The following ZNF320 variants were observed in gnomAD, a reference collection of about 807,000 sequenced individuals.
The protein encoded by ZNF320 is zinc finger protein 320, also known as zinc finger gene 320.
Under a neutral mutation model 6.8 loss-of-function variants are expected in ZNF320, and 2 were observed. The ratio of observed to expected loss-of-function variants is 0.29; its 90% CI spans 0.12 to 0.93. The LOEUF (loss-of-function observed/expected upper bound fraction) is 0.93, where lower values mean the gene tolerates loss of function less well. Ranked by LOEUF, ZNF320 falls within the 40% of genes least tolerant of loss-of-function variation. ZNF320 has a pLI of 0.55. For missense variants in ZNF320, 472 were observed against 611.0 expected (o/e 0.77, Z 2.40); for synonymous variants, 208 against 203.2 (o/e 1.02, Z -0.20).
In ZNF320 at chr19:52,890,345, T is replaced by C. The variant is rs916256945; in HGVS notation, c.-73-17A>G. 5 of 1,524,788 alleles carry C rather than the reference T, an allele frequency of 3.3e-6. No homozygotes were observed. In the African/African-American group the frequency reaches 5.5e-5, roughly 17 times the overall value. 94.5% of individuals were successfully genotyped at this position (1,524,788 alleles called of 1,614,324 possible). ...AAGTCAATCCTAAATGTTAGAAATA[T>C]GTTGTTTATCACTGAGAATCAACAC... On this transcript the variant is annotated splice_polypyrimidine_tract_variant and intron_variant, in intron 3 of 5. Coordinates refer to ENST00000682928, the MANE Select transcript of ZNF320 (RefSeq NM_001351774.2).
chr19:52,867,177 A>T lies in ZNF320; in HGVS notation c.224-3018T>A, dbSNP rs544585640. Among the ~76,000 whole-genome samples, 723 of 151,572 alleles carry T rather than the reference A, an allele frequency of 4.8e-3. 2 individuals carry two copies. Among genetic ancestry groups the T allele is most frequent in the South Asian group, 0.015 (74 of 4,822 alleles). ...AAGCCATGTTTGGATTTAATTAATTAATTAATTAATTAATTTATTTATTTA... is the reference window on the plus strand; with the variant it reads ...AAGCCATGTTTGGATTTAATTAATTTATTAATTAATTAATTTATTTATTTA... On this transcript the variant is annotated intron_variant, in intron 5 of 5. Transcript: ENST00000673631.
At position 52,881,823 on chromosome 19, in the gene ZNF320, C is replaced by T. The variant is rs1487863262; in HGVS notation, c.303G>A (p.Trp101Ter). 6 of 1,613,706 alleles carry T rather than the reference C, an allele frequency of 3.7e-6. No individual in the cohort carries two copies. In the South Asian group the frequency reaches 5.5e-5, roughly 15 times the overall value. ...EKDIHDFVFQ[W>*]QEDETNDHEA... ...CATGGTCATTTGTTTCATCTTCTTGCCACTGAAACACAAAGTCATGAATGT... is the reference window on the plus strand; with the variant it reads ...CATGGTCATTTGTTTCATCTTCTTGTCACTGAAACACAAAGTCATGAATGT... The change falls in exon 6 of 6, where the codon TGG becomes TGA. Residue 101 changes from tryptophan (W) to a stop codon, truncating the protein, a stop_gained. Coordinates refer to ENST00000682928, the MANE Select transcript of ZNF320 (RefSeq NM_001351774.2). LOFTEE classifies it low-confidence loss of function (END_TRUNC).
At chr19:52,890,968 TG>T (rs2064270584) in intron 3 of ZNF320, among the ~76,000 whole-genome samples, 1 of 151,922 alleles carries the variant, frequency 6.6e-6, no homozygotes, top group Non-Finnish European at 1.5e-5. Context: ...CTGGCCAACA[TG>T]GTGAAACCCT....
intron 1 of ZNF320, among the ~76,000 whole-genome samples, chr19:52,897,026 T>C (rs958136367): frequency 2.0e-5 from 3 of 152,204 alleles, no homozygotes; most frequent in African/African-American, 4.8e-5. Context: ...TTCATCCAGA[T>C]AAGGGGTAGC....
At chr19:52,862,054 G>T in exon 6 of ZNF320, 1 of 379,346 alleles carries the variant, frequency 2.6e-6, no homozygotes, top group South Asian at 2.1e-5. Flanking sequence ...TGCAAGTTAT[G>T]AACGATGTCT....
downstream of ZNF320, among the ~76,000 whole-genome samples, chr19:52,872,144 C>T (rs138487627): frequency 2.2e-3 from 332 of 152,256 alleles, 6 homozygotes; most frequent in South Asian, 0.033. Context: ...AGAATTGTTC[C>T]ATTGCACTCC....
intron 1 of ZNF320, among the ~76,000 whole-genome samples, chr19:52,897,296 G>A (rs1021213531): frequency 1.3e-5 from 2 of 152,246 alleles, no homozygotes; most frequent in Non-Finnish European, 2.9e-5. Flanking sequence ...TTGAGGCGCG[G>A]CGCTCCTGAA....
At chr19:52,861,652 C>T (rs760627802) in exon 6 of ZNF320, among the ~76,000 whole-genome samples, 5 of 152,178 alleles carry the variant, frequency 3.3e-5, no homozygotes, top group Non-Finnish European at 7.3e-5. Context: ...ACTTTAACAT[C>T]AATTAATGCT....
chr19:52,898,497 T>TA (rs1283010583), upstream of ZNF320, among the ~76,000 whole-genome samples: 3 of 152,264 alleles, frequency 2.0e-5, no homozygotes, highest in South Asian at 4.1e-4. Flanking sequence ...AAGGGATTTT[T>TA]AAAAAAAGCA....
rs779678566 is a variant in ZNF320 at position 52,880,752 on chromosome 19, C to T, written c.1374G>A (p.Arg458=). 3.1e-6 allele frequency: 5 copies of T among 1,613,842 alleles called. No individual in the cohort carries two copies. The highest frequency in any genetic ancestry group is 4.2e-6 in the Non-Finnish European group (5 of 1,179,864). Residue 458 remains arginine (R), a synonymous_variant, in exon 6 of 6, where the codon AGG becomes AGA. Transcript: ENST00000682928. ...TCTGTCCAGTATGGATTCTCTGATG[C>T]CTAATAAGGTGTGAAGGTGAATTAA... ...KAFNSPSHLI[R]HQRIHTGQKS...
At position 52,879,700 on chromosome 19, in the gene ZNF320, G is replaced by C. The variant is rs1416644872; in HGVS notation, c.*896C>G. On this transcript the variant is annotated 3_prime_UTR_variant, in exon 6 of 6. Transcript: ENST00000682928. Reference sequence around the variant, plus strand: ...TCTTCTGTGTAGAAAATCACAAAGAGTCAACCAAAATGCAACTGGAACTAA... The same window carrying C: ...TCTTCTGTGTAGAAAATCACAAAGACTCAACCAAAATGCAACTGGAACTAA... 6.6e-6 allele frequency: 1 copy of C among 152,054 alleles called. No individual in the cohort carries two copies. Among genetic ancestry groups the C allele is most frequent in the African/African-American group, 2.4e-5 (1 of 41,388 alleles). 9.4% of individuals were successfully genotyped at this position (152,054 alleles called of 1,614,324 possible). A position where few individuals can be genotyped will look rare whatever the true frequency, so the allele number is the denominator to read the frequency against.
At chr19:52,892,714 TC>T (rs1448434712) in intron 2 of ZNF320, among the ~76,000 whole-genome samples, 2 of 151,918 alleles carry the variant, frequency 1.3e-5, no homozygotes, top group East Asian at 3.9e-4. Context: ...TCTCTGTGCA[TC>T]CTCTGCTCTC....
intron 2 of ZNF320, among the ~76,000 whole-genome samples, chr19:52,892,454 CAAG>C (rs775292111): frequency 1.3e-4 from 19 of 151,268 alleles, no homozygotes; most frequent in Non-Finnish European, 2.4e-4. Context: ...TGTTTTCAAT[CAAG>C]AAAACATGGG....
At chr19:52,884,309 T>C (rs1243560047) in intron 5 of ZNF320, among the ~76,000 whole-genome samples, 1 of 152,140 alleles carries the variant, frequency 6.6e-6, no homozygotes, top group African/African-American at 2.4e-5. Context: ...GGCAGGATTC[T>C]CCTACCTCAA....
At chr19:52,890,693 GA>G (rs1600647992) in intron 3 of ZNF320, among the ~76,000 whole-genome samples, 1 of 152,056 alleles carries the variant, frequency 6.6e-6, no homozygotes, top group East Asian at 1.9e-4. Flanking sequence ...GCAACATGGT[GA>G]AACCCCATCT....
upstream of ZNF320, among the ~76,000 whole-genome samples, chr19:52,899,891 T>C (rs1178022158): frequency 1.3e-5 from 2 of 152,226 alleles, no homozygotes; most frequent in South Asian, 2.1e-4. Context: ...GGGGGTTCGA[T>C]AACCTCATGA....
chr19:52,886,587 G>C (rs764620904), intron 5 of ZNF320, among the ~76,000 whole-genome samples: 6 of 152,124 alleles, frequency 3.9e-5, no homozygotes, highest in Non-Finnish European at 5.9e-5. Context: ...ATTCACACTG[G>C]AATCATGTTT....
chr19:52,874,950 CGAG>C (rs888469618), downstream of ZNF320, among the ~76,000 whole-genome samples: 3 of 152,004 alleles, frequency 2.0e-5, no homozygotes, highest in Admixed American at 2.0e-4. Flanking sequence ...GCAGAGGGAG[CGAG>C]GAGGACACAG....
Position 52,864,056 on chromosome 19 carries a change from T to C in ZNF320, c.327A>G (p.Glu109=), listed in dbSNP as rs765809979. ...ACCCACAGACTCCAGGTTCCTGTAG[T>C]TCTCCCACATCACAGCCCTGTATAA... Residue 109 remains glutamate (E), a synonymous_variant, in exon 6 of 6, where the codon GAA becomes GAG. Transcript: ENST00000673631. The C allele has an allele frequency of 3.2e-5, 16 of 504,034 alleles. No individual in the cohort carries two copies. In the Middle Eastern group the frequency reaches 4.6e-3, roughly 145 times the overall value. The allele number at this position is 504,034 out of a possible 1,614,324, so 31.2% of individuals were successfully genotyped here. A position where few individuals can be genotyped will look rare whatever the true frequency, so the allele number is the denominator to read the frequency against.
Sources: gnomAD v4.1 joint callset for allele counts (sites outside exome capture counted in the v4.1 genomes callset) on GRCh38, gnomAD v4.1.1 for gene constraint, MANE v1.5 for transcripts, NCBI Gene and HGNC (gene_info 2026-07-23, HGNC 2026-07-21) for gene names.